The following CREBL2 variants were observed in gnomAD, a reference collection of about 807,000 sequenced individuals.
CREBL2 encodes cAMP-responsive element-binding protein-like 2.
CREBL2 carries 4 observed loss-of-function variants against 19.5 expected under a neutral mutation model. The observed-to-expected ratio is 0.20, with a 90% CI of 0.10 to 0.47. The LOEUF (loss-of-function observed/expected upper bound fraction) is 0.47. CREBL2 is among the 20% of genes least tolerant of loss of function. CREBL2 has a pLI of 0.98. For missense variants in CREBL2, 85 were observed against 145.1 expected, an observed-to-expected ratio of 0.59 and a Z score of 2.13; for synonymous variants, 42 against 46.6, an observed-to-expected ratio of 0.90 and a Z score of 0.40.
chr12:12,632,223 G>A (rs1300955680), intron 1 of CREBL2, among the ~76,000 whole-genome samples: 1 of 149,394 alleles, frequency 6.7e-6, no homozygotes, highest in African/African-American at 2.4e-5. Context: ...GACTACAGGC[G>A]CCCGCCACTA....
At position 12,644,078 on chromosome 12, in the gene CREBL2, G is replaced by A. The variant is rs992279551; in HGVS notation, c.*2080G>A. On this transcript the variant is annotated 3_prime_UTR_variant, in exon 4 of 4. Transcript: ENST00000228865. ...TCTCTGGTTGTAATTCTAAATTACA[G>A]AGTCATTTGAGCTTTCTCCCCTCCC... 2 of 152,634 alleles carry A rather than the reference G, an allele frequency of 1.3e-5. No homozygotes were observed. Among genetic ancestry groups the A allele is most frequent in the African/African-American group, 4.8e-5 (2 of 41,446 alleles). 9.5% of individuals were successfully genotyped at this position (152,634 alleles called of 1,614,324 possible).
At chr12:12,614,722 C>T (rs1399442857) in intron 1 of CREBL2, 2 of 300,600 alleles carry the variant, frequency 6.7e-6, no homozygotes, top group Admixed American at 4.1e-5. Context: ...CTTAAGAGTA[C>T]TTAATATGCT....
chr12:12,613,339 CCTT>C (rs1337946603), intron 1 of CREBL2, among the ~76,000 whole-genome samples: 3 of 152,282 alleles, frequency 2.0e-5, no homozygotes, highest in East Asian at 1.9e-4. Flanking sequence ...TAAAAACCGT[CCTT>C]CTTTGTGCTT....
chr12:12,619,045 A>AGAGGGAGAGGGAGAG (rs943306220), intron 1 of CREBL2, among the ~76,000 whole-genome samples: 29 of 151,642 alleles, frequency 1.9e-4, no homozygotes, highest in South Asian at 4.2e-4. Flanking sequence ...GGGAGACGGG[A>AGAGGGAGAGGGAGAG]GAGGGAGAGG....
intron 3 of CREBL2, among the ~76,000 whole-genome samples, chr12:12,641,713 C>T (rs750473042): frequency 7.0e-4 from 106 of 152,166 alleles, no homozygotes; most frequent in Non-Finnish European, 1.3e-3. Context: ...TTGACAAGTG[C>T]ACTAAAATAT....
At chr12:12,621,595 C>G (rs753824734) in intron 1 of CREBL2, among the ~76,000 whole-genome samples, 2 of 151,290 alleles carry the variant, frequency 1.3e-5, no homozygotes, top group Non-Finnish European at 1.5e-5. Context: ...TATATTAACC[C>G]TGAGCTACAG....
intron 1 of CREBL2, among the ~76,000 whole-genome samples, chr12:12,615,134 C>T (rs767930794): frequency 6.6e-6 from 1 of 152,170 alleles, no homozygotes; most frequent in Non-Finnish European, 1.5e-5. Context: ...CCTGCGTCAG[C>T]CTCCTGAGTA....
At chr12:12,621,155 A>T (rs953869173) in intron 1 of CREBL2, among the ~76,000 whole-genome samples, 1 of 152,330 alleles carries the variant, frequency 6.6e-6, no homozygotes, top group South Asian at 2.1e-4. Context: ...CCACTCTGCC[A>T]TTGTATCATG....
chr12:12,616,738 C>G (rs182413164), intron 1 of CREBL2, among the ~76,000 whole-genome samples: 3 of 152,322 alleles, frequency 2.0e-5, no homozygotes, highest in Admixed American at 2.0e-4. Flanking sequence ...CAGACATACA[C>G]ACAAAACACA....
At chr12:12,616,722 T>A (rs1357374215) in intron 1 of CREBL2, among the ~76,000 whole-genome samples, 1 of 152,202 alleles carries the variant, frequency 6.6e-6, no homozygotes, top group Admixed American at 6.5e-5. Context: ...GTCCTCCTAG[T>A]ATATACAGAC....
At chr12:12,625,858 G>A (rs1315108746) in intron 1 of CREBL2, among the ~76,000 whole-genome samples, 1 of 151,996 alleles carries the variant, frequency 6.6e-6, no homozygotes, top group Non-Finnish European at 1.5e-5. Flanking sequence ...CTATTGTTTT[G>A]TATTTATCCC....
chr12:12,620,897 GCAA>G, intron 1 of CREBL2, among the ~76,000 whole-genome samples: 1 of 152,160 alleles, frequency 6.6e-6, no homozygotes, highest in Non-Finnish European at 1.5e-5. Flanking sequence ...GAAAATGAGG[GCAA>G]TAGAGGCAAA....
chr12:12,617,610 C>T (rs1286901379), intron 1 of CREBL2, among the ~76,000 whole-genome samples: 3 of 133,236 alleles, frequency 2.3e-5, no homozygotes, highest in Non-Finnish European at 4.6e-5. Flanking sequence ...TACTACGGTG[C>T]AGTAGGTCCC....
At chr12:12,618,714 G>A (rs896515305) in intron 1 of CREBL2, among the ~76,000 whole-genome samples, 4 of 152,152 alleles carry the variant, frequency 2.6e-5, no homozygotes, top group South Asian at 2.1e-4. Context: ...AGCCGAGATC[G>A]CGCCACTGCA....
rs1297771221 is a variant in CREBL2, at chr12:12,611,917, C to G, written c.-256C>G. Reference sequence around the variant, plus strand: ...CAGAGCGTCTGTAAACACCCAGAGACTGTCATGGAGGGGGAGGAGGAGGCG... The same window carrying G: ...CAGAGCGTCTGTAAACACCCAGAGAGTGTCATGGAGGGGGAGGAGGAGGCG... On this transcript the variant is annotated 5_prime_UTR_variant, in exon 1 of 4. Coordinates refer to ENST00000228865, the MANE Select transcript of CREBL2 (RefSeq NM_001310.4). 2.1e-5 allele frequency: 12 copies of G among 569,244 alleles called. No individual in the cohort carries two copies. Among genetic ancestry groups the G allele is most frequent in the African/African-American group, 1.9e-4 (10 of 52,430 alleles). The allele number at this position is 569,244 out of a possible 1,614,324, so 35.3% of individuals were successfully genotyped here.
chr12:12,635,903 T>C lies in CREBL2; in HGVS notation c.142T>C (p.Tyr48His), dbSNP rs1945471237. Residue 48 changes from tyrosine (Y) to histidine (H), a missense_variant, in exon 2 of 4, where the codon TAT becomes CAT. Physicochemically the swap from Tyr to His is moderately conservative, Grantham distance 83 (BLOSUM62 2). Around this residue, in one of 5 missense-constraint regions of CREBL2, gnomAD observed 0 missense variants for 26.7 expected, o/e 0.00. Transcript: ENST00000228865. ...RECRARKKLR[Y>H]QYLEELVSSR... is the part of the protein sequence containing the mutation. ...ATGCCGAGCCCGAAAAAAGCTGAGA[T>C]ATCAGTATTTGGAAGAGTTGGTATC... 6.2e-7 allele frequency: 1 copy of C among 1,613,994 alleles called. No homozygotes were observed. Among genetic ancestry groups the C allele is most frequent in the Non-Finnish European group, 8.5e-7 (1 of 1,180,020 alleles).
rs1221581895 is a variant in CREBL2 at position 12,644,949 on chromosome 12, A to G, written c.*2951A>G. The G allele has an allele frequency of 1.3e-5, 2 of 152,138 alleles. No homozygotes were observed. Among genetic ancestry groups the G allele is most frequent in the Non-Finnish European group, 2.9e-5 (2 of 68,022 alleles). 9.4% of individuals were successfully genotyped at this position (152,138 alleles called of 1,614,324 possible). On this transcript the variant is annotated 3_prime_UTR_variant, in exon 4 of 4. Coordinates refer to ENST00000228865, the MANE Select transcript of CREBL2 (RefSeq NM_001310.4). The stretch of plus-strand genomic sequence containing the variant: ...TTAAAAGGAGGAGTCACCTTGAATT[A>G]TTTTCTGAGTCACCTTGAGTTATTT...
intron 1 of CREBL2, among the ~76,000 whole-genome samples, chr12:12,629,289 T>G (rs1327243917): frequency 6.6e-6 from 1 of 152,240 alleles, no homozygotes; most frequent in Non-Finnish European, 1.5e-5. Context: ...CTTTAATTTC[T>G]TTTAATGATA....
At chr12:12,617,886 G>A (rs1349302354) in intron 1 of CREBL2, among the ~76,000 whole-genome samples, 1 of 151,218 alleles carries the variant, frequency 6.6e-6, no homozygotes, top group African/African-American at 2.4e-5. Context: ...CGAGCATGCT[G>A]CCTTCAAGCA....
Sources: gnomAD v4.1 joint callset for allele counts (sites outside exome capture counted in the v4.1 genomes callset) on GRCh38, gnomAD v4.1.1 for gene constraint, gnomAD v4.1.1 regional missense constraint, MANE v1.5 for transcripts, NCBI Gene and HGNC (gene_info 2026-07-23, HGNC 2026-07-21) for gene names.